SGCZ: variants seen among roughly 807,000 people sequenced by gnomAD.
SGCZ encodes the protein zeta-sarcoglycan.
A neutral mutation model predicts 41.3 loss-of-function variants in SGCZ; 40 were observed. The observed-to-expected ratio is 0.97, with a 90% CI of 0.75 to 1.26. The LOEUF is 1.26. Ranked by LOEUF, SGCZ falls within the 50% of genes most tolerant of loss-of-function variation. SGCZ has a pLI of 0.00. For missense variants in SGCZ, 552 were observed against 369.8 expected (o/e 1.49, Z -4.04); for synonymous variants, 206 against 137.5 (o/e 1.50, Z -3.49).
intron 1 of SGCZ, among the ~76,000 whole-genome samples, chr8:15,033,156 C>A (rs79615585): frequency 4.0e-5 from 6 of 151,888 alleles, no homozygotes; most frequent in Non-Finnish European, 8.8e-5. Context: ...CCCACTAGAC[C>A]CCAAGTCTGA....
At chr8:14,091,567 A>G (rs553734100) in intron 7 of SGCZ, among the ~76,000 whole-genome samples, 86 of 152,212 alleles carry the variant, frequency 5.7e-4, no homozygotes, top group African/African-American at 2.0e-3. Flanking sequence ...GCATTTCTCT[A>G]ATGACCAGTG....
intron 4 of SGCZ, among the ~76,000 whole-genome samples, chr8:14,224,792 C>A (rs183302405): frequency 6.6e-6 from 1 of 152,236 alleles, no homozygotes; most frequent in East Asian, 1.9e-4. Flanking sequence ...ACTTGTAACA[C>A]CACCTAATAT....
chr8:14,360,579 G>A (rs1803475212), intron 2 of SGCZ, among the ~76,000 whole-genome samples: 1 of 152,054 alleles, frequency 6.6e-6, no homozygotes, highest in South Asian at 2.1e-4. Context: ...GCCTGCCTCG[G>A]CCTCCAAAAG....
At chr8:14,992,906 C>T (rs1802071901) in intron 1 of SGCZ, among the ~76,000 whole-genome samples, 1 of 147,670 alleles carries the variant, frequency 6.8e-6, no homozygotes, top group Non-Finnish European at 1.5e-5. Context: ...ATCCAATCTA[C>T]TCCCAAATCT....
At chr8:15,171,402 G>GAATTTATTT (rs1799825837) in intron 1 of SGCZ, among the ~76,000 whole-genome samples, 2 of 152,088 alleles carry the variant, frequency 1.3e-5, no homozygotes, top group Non-Finnish European at 2.9e-5. Flanking sequence ...GTGTTTTATT[G>GAATTTATTT]CATTTTATTT....
chr8:14,386,042 A>T (rs907851139), intron 2 of SGCZ, among the ~76,000 whole-genome samples: 3 of 152,044 alleles, frequency 2.0e-5, no homozygotes, highest in South Asian at 2.1e-4. Flanking sequence ...TTTATTGTTT[A>T]TTGTGGGGTT....
intron 6 of SGCZ, among the ~76,000 whole-genome samples, chr8:14,103,572 A>G (rs948086678): frequency 1.1e-4 from 16 of 152,194 alleles, no homozygotes; most frequent in Non-Finnish European, 2.1e-4. Context: ...TCTCAGCAAG[A>G]AAGTGAAACC....
At chr8:14,839,087 A>G (rs1281689003) in intron 1 of SGCZ, among the ~76,000 whole-genome samples, 1 of 152,170 alleles carries the variant, frequency 6.6e-6, no homozygotes, top group Admixed American at 6.5e-5. Context: ...TGGTTGGGAG[A>G]AGACTGAATT....
At chr8:14,372,336 T>C (rs773193096) in intron 2 of SGCZ, among the ~76,000 whole-genome samples, 10 of 152,122 alleles carry the variant, frequency 6.6e-5, no homozygotes, top group Non-Finnish European at 1.2e-4. Flanking sequence ...TAAAGAAACA[T>C]CAGAAAAATA....
chr8:14,260,114 T>G (rs1420606014), intron 3 of SGCZ, among the ~76,000 whole-genome samples: 1 of 152,102 alleles, frequency 6.6e-6, no homozygotes, highest in Non-Finnish European at 1.5e-5. Context: ...GCTCTCTGTT[T>G]GTCTGTTGTT....
At chr8:15,237,335 TG>T (rs1802166134) in intron 1 of SGCZ, among the ~76,000 whole-genome samples, 1 of 151,020 alleles carries the variant, frequency 6.6e-6, no homozygotes, top group Admixed American at 6.6e-5. Flanking sequence ...GAGGACGGGG[TG>T]GCCGCTGGCG....
intron 1 of SGCZ, among the ~76,000 whole-genome samples, chr8:14,599,702 C>T (rs1179795925): frequency 1.3e-5 from 2 of 152,172 alleles, no homozygotes; most frequent in East Asian, 1.9e-4. Context: ...TAAATGAACA[C>T]GTGTCCCTCT....
intron 1 of SGCZ, among the ~76,000 whole-genome samples, chr8:15,077,718 C>T (rs1454592): frequency 0.054 from 8,297 of 152,256 alleles, 441 homozygotes; most frequent in East Asian, 0.28. Flanking sequence ...TTAGTATCTT[C>T]CTCCTATACC....
intron 1 of SGCZ, among the ~76,000 whole-genome samples, chr8:15,123,851 G>A (rs1053341689): frequency 3.9e-5 from 6 of 151,950 alleles, no homozygotes; most frequent in African/African-American, 1.5e-4. Context: ...CTTTCCGGAA[G>A]AAAACGTATT....
At chr8:15,210,733 C>T (rs1319283531) in intron 1 of SGCZ, among the ~76,000 whole-genome samples, 1 of 152,108 alleles carries the variant, frequency 6.6e-6, no homozygotes, top group African/African-American at 2.4e-5. Flanking sequence ...TGCAGACGTC[C>T]ACACCAGCGC....
intron 3 of SGCZ, among the ~76,000 whole-genome samples, chr8:14,265,931 C>T (rs954709227): frequency 2.6e-5 from 4 of 151,166 alleles, no homozygotes; most frequent in South Asian, 2.1e-4. Flanking sequence ...AACACACAGT[C>T]AGAAAAAAAG....
chr8:14,561,301 G>C (rs768192171), intron 1 of SGCZ, among the ~76,000 whole-genome samples: 1 of 152,042 alleles, frequency 6.6e-6, no homozygotes, highest in Non-Finnish European at 1.5e-5. Context: ...TTTACTAACT[G>C]CCTATTGTCA....
At chr8:14,946,911 T>C (rs1029030650) in intron 1 of SGCZ, among the ~76,000 whole-genome samples, 3 of 152,096 alleles carry the variant, frequency 2.0e-5, no homozygotes, top group South Asian at 2.1e-4. Context: ...CCTGACCTCA[T>C]GATCCGCCCG....
intron 1 of SGCZ, among the ~76,000 whole-genome samples, chr8:14,651,677 A>G (rs1054033502): frequency 1.3e-5 from 2 of 152,022 alleles, no homozygotes; most frequent in Non-Finnish European, 2.9e-5. Flanking sequence ...TAATTTTCTT[A>G]TTCTCTTCTT....
Sources: gnomAD v4.1 joint callset for allele counts (sites outside exome capture counted in the v4.1 genomes callset) on GRCh38, gnomAD v4.1.1 for gene constraint, MANE v1.5 for transcripts, NCBI Gene and HGNC (gene_info 2026-07-23, HGNC 2026-07-21) for gene names.